The following SLC25A26 variants were observed in gnomAD, a reference collection of about 807,000 sequenced individuals.
The protein encoded by SLC25A26 is solute carrier family 25 member 26.
In SLC25A26, 36 loss-of-function variants were observed where a neutral mutation model predicts 37.8. That is an observed-to-expected ratio of 0.95 (90% confidence interval 0.73 to 1.26). The LOEUF (loss-of-function observed/expected upper bound fraction) is 1.26, where lower values mean the gene tolerates loss of function less well. Among genes scored for constraint, SLC25A26 ranks in the 50% most tolerant of loss-of-function variants. SLC25A26 has a pLI of 0.00. For synonymous variants in SLC25A26, 129 were observed against 122.5 expected, an observed-to-expected ratio of 1.05 and a Z score of -0.35; for missense variants, 390 against 331.1, an observed-to-expected ratio of 1.18 and a Z score of -1.38.
intron 3 of SLC25A26, among the ~76,000 whole-genome samples, chr3:66,247,876 A>AC (rs2072920096): frequency 6.6e-6 from 1 of 152,224 alleles, no homozygotes; most frequent in African/African-American, 2.4e-5. Context: ...ATTAAGAGAA[A>AC]CCAACAGGTG....
At position 66,184,117 on chromosome 3, in the gene SLC25A26, C is replaced by T. The variant is rs183650690; in HGVS notation, c.-353-36625C>T. On this transcript the variant is annotated intron_variant, in intron 1 of 10. Transcript: ENST00000676754. The stretch of plus-strand genomic sequence containing the variant: ...CCACACCCTCCCCGTGACTGAGACC[C>T]TGAATCTGCCACTGTCTCTCAATTT... 8.8e-4 allele frequency among the ~76,000 whole-genome samples: 134 copies of T among 152,198 alleles called. No homozygotes were observed. In the Middle Eastern group the frequency reaches 0.01, roughly 12 times the overall value.
At chr3:66,221,907 C>T (rs549316801) in intron 1 of SLC25A26, among the ~76,000 whole-genome samples, 3 of 151,852 alleles carry the variant, frequency 2.0e-5, no homozygotes, top group Admixed American at 1.3e-4. Context: ...TGGAGGCCCA[C>T]AGTGATTTAG....
intron 5 of SLC25A26, among the ~76,000 whole-genome samples, chr3:66,315,064 G>C (rs2075496503): frequency 6.9e-6 from 1 of 145,210 alleles, no homozygotes; most frequent in South Asian, 2.2e-4. Flanking sequence ...TTAAAAACTA[G>C]CTCCTGGATT....
chr3:66,252,102 A>G (rs1207796891), intron 3 of SLC25A26, among the ~76,000 whole-genome samples: 1 of 152,218 alleles, frequency 6.6e-6, no homozygotes, highest in Non-Finnish European at 1.5e-5. Flanking sequence ...AAGACTGAAT[A>G]CTACTCTCAA....
intron 5 of SLC25A26, among the ~76,000 whole-genome samples, chr3:66,302,810 C>G (rs557132006): frequency 6.6e-6 from 1 of 152,222 alleles, no homozygotes; most frequent in Non-Finnish European, 1.5e-5. Flanking sequence ...AAAGCCCAAG[C>G]CAAAGAAAAT....
intron 1 of SLC25A26, among the ~76,000 whole-genome samples, chr3:66,212,887 A>G (rs1055178736): frequency 6.6e-6 from 1 of 152,224 alleles, no homozygotes; most frequent in Non-Finnish European, 1.5e-5. Flanking sequence ...TTGTGTACCC[A>G]TTCATTTGCC....
At chr3:66,257,374 ACT>A (rs1305972875) in intron 3 of SLC25A26, among the ~76,000 whole-genome samples, 4 of 152,000 alleles carry the variant, frequency 2.6e-5, no homozygotes, top group Non-Finnish European at 5.9e-5. Flanking sequence ...AAAAGAAAAG[ACT>A]CTGGAAGGCC....
At chr3:66,176,931 A>G (rs917595062) in intron 1 of SLC25A26, among the ~76,000 whole-genome samples, 6 of 152,234 alleles carry the variant, frequency 3.9e-5, no homozygotes, top group Non-Finnish European at 8.8e-5. Context: ...TTTCTAACAG[A>G]TAATTAAGCC....
chr3:66,206,898 T>C lies in SLC25A26; in HGVS notation c.-353-13844T>C, dbSNP rs1001988864. On this transcript the variant is annotated intron_variant, in intron 1 of 10. Coordinates refer to the SLC25A26 transcript ENST00000676754. ...CTGGCTAATTTTTCTTTCTTTCTTT[T>C]TTTTTTTTTTTTTTTTTAACACGGA... is the stretch of plus-strand genomic sequence containing the variant. Among the ~76,000 whole-genome samples the C allele has an allele frequency of 0.013, 1,933 of 147,558 alleles. 116 individuals carry two copies. In the East Asian group the frequency reaches 0.17, roughly 13 times the overall value.
chr3:66,336,241 A>G (rs1000108976), intron 5 of SLC25A26, among the ~76,000 whole-genome samples: 6 of 152,198 alleles, frequency 3.9e-5, no homozygotes, highest in African/African-American at 1.4e-4. Flanking sequence ...GTTAACAAGG[A>G]CATTTGATAG....
At chr3:66,205,706 G>A (rs2071167641) in intron 1 of SLC25A26, among the ~76,000 whole-genome samples, 1 of 152,262 alleles carries the variant, frequency 6.6e-6, no homozygotes, top group South Asian at 2.1e-4. Flanking sequence ...CCTGATAAGT[G>A]GAGGCAGCCC....
intron 5 of SLC25A26, among the ~76,000 whole-genome samples, chr3:66,344,760 A>G (rs553667350): frequency 6.6e-6 from 1 of 152,344 alleles, no homozygotes; most frequent in East Asian, 1.9e-4. Flanking sequence ...CTTAGGAAAT[A>G]TGACATGGGT....
chr3:66,170,807 T>A (rs1222194524), intron 1 of SLC25A26, among the ~76,000 whole-genome samples: 1 of 131,048 alleles, frequency 7.6e-6, no homozygotes, highest in East Asian at 2.2e-4. Flanking sequence ...TTTTTTTTTT[T>A]TTTTTTTTTT....
chr3:66,209,087 G>GT (rs1355017192), intron 1 of SLC25A26, among the ~76,000 whole-genome samples: 3 of 39,992 alleles, frequency 7.5e-5, no homozygotes, highest in Non-Finnish European at 1.2e-4. Context: ...CCCATATAAA[G>GT]ATGTATATAT....
chr3:66,231,907 A>G (rs952797843), intron 1 of SLC25A26, among the ~76,000 whole-genome samples: 12 of 152,008 alleles, frequency 7.9e-5, no homozygotes, highest in African/African-American at 2.7e-4. Flanking sequence ...AGCAGCTAGG[A>G]CTACAGACAT....
chr3:66,362,262 T>C (rs2076725595), intron 6 of SLC25A26, among the ~76,000 whole-genome samples: 1 of 152,176 alleles, frequency 6.6e-6, no homozygotes, highest in Non-Finnish European at 1.5e-5. Context: ...GCTTTATTTG[T>C]AATAGCCCCA....
chr3:66,199,496 C>G (rs2071084214), intron 1 of SLC25A26, among the ~76,000 whole-genome samples: 1 of 152,060 alleles, frequency 6.6e-6, no homozygotes, highest in South Asian at 2.1e-4. Context: ...TTGACCATGA[C>G]CCTGACAGTG....
At chr3:66,364,065 C>T (rs1004450889) in intron 7 of SLC25A26, among the ~76,000 whole-genome samples, 15 of 151,992 alleles carry the variant, frequency 9.9e-5, no homozygotes, top group Admixed American at 6.5e-4. Flanking sequence ...ACAAAATGAG[C>T]GCATTATGGA....
intron 1 of SLC25A26, among the ~76,000 whole-genome samples, chr3:66,140,128 G>A: frequency 6.6e-6 from 1 of 152,254 alleles, no homozygotes; most frequent in East Asian, 1.9e-4. Flanking sequence ...TTCATTTGCA[G>A]GATGCTCTCA....
Sources: allele counts gnomAD v4.1 joint callset (sites outside exome capture counted in the v4.1 genomes callset), GRCh38; gene constraint gnomAD v4.1.1; transcripts MANE v1.5; gene names NCBI Gene and HGNC (gene_info 2026-07-23, HGNC 2026-07-21).